The following PLEKHA5 variants were observed in gnomAD, a reference collection of about 807,000 sequenced individuals.
PLEKHA5 encodes the protein pleckstrin homology domain-containing family A member 5.
PLEKHA5 carries 55 observed loss-of-function variants against 181.9 expected under a neutral mutation model. The observed-to-expected ratio is 0.30, with a 90% CI of 0.24 to 0.38. The LOEUF (loss-of-function observed/expected upper bound fraction) is 0.38. PLEKHA5 is among the 10% of genes least tolerant of loss of function. The pLI is 1.00. For missense variants in PLEKHA5, 1,432 were observed against 1,549.5 expected, an observed-to-expected ratio of 0.92 and a Z score of 1.27; for synonymous variants, 535 against 529.4, an observed-to-expected ratio of 1.01 and a Z score of -0.15.
chr12:19,300,024 G>T (rs1027260963), intron 15 of PLEKHA5, among the ~76,000 whole-genome samples: 2 of 152,164 alleles, frequency 1.3e-5, no homozygotes, highest in Non-Finnish European at 2.9e-5. Flanking sequence ...TGGTGTACCT[G>T]TGTAGTGCCT....
At chr12:19,278,583 C>T (rs1476411398) in intron 11 of PLEKHA5, among the ~76,000 whole-genome samples, 1 of 152,062 alleles carries the variant, frequency 6.6e-6, no homozygotes, top group Admixed American at 6.6e-5. Context: ...CTAGGGCAGT[C>T]TCTTTGATGG....
intron 3 of PLEKHA5, among the ~76,000 whole-genome samples, chr12:19,212,299 A>G (rs897944117): frequency 3.3e-5 from 5 of 152,168 alleles, no homozygotes; most frequent in African/African-American, 1.2e-4. Context: ...AAATTTAAAC[A>G]TGGGGCAGCT....
At chr12:19,168,547 C>G (rs377133897) in intron 3 of PLEKHA5, among the ~76,000 whole-genome samples, 1 of 148,194 alleles carries the variant, frequency 6.7e-6, no homozygotes, top group South Asian at 2.2e-4. Flanking sequence ...AAATTTGATA[C>G]GATTAGTAGT....
chr12:19,146,680 C>A (rs1197870199), intron 3 of PLEKHA5, among the ~76,000 whole-genome samples: 1 of 152,024 alleles, frequency 6.6e-6, no homozygotes, highest in Non-Finnish European at 1.5e-5. Flanking sequence ...CAGTGTGCAC[C>A]CACTTAGGCA....
At chr12:19,174,343 C>A (rs66471375) in intron 3 of PLEKHA5, among the ~76,000 whole-genome samples, 15,180 of 151,970 alleles carry the variant, frequency 0.1, 934 homozygotes, top group Admixed American at 0.19. Flanking sequence ...TGAATATATT[C>A]GCTCTATGTG....
chr12:19,314,645 T>C lies in PLEKHA5; in HGVS notation c.2038-169T>C, dbSNP rs181640711. 9.3e-5 allele frequency: 58 copies of C among 623,640 alleles called. No homozygotes were observed. The African/African-American group carries it at 1.1e-3, about 11-fold the overall frequency. The allele number at this position is 623,640 out of a possible 1,614,324, so 38.6% of individuals were successfully genotyped here. On this transcript the variant is annotated intron_variant, in intron 15 of 31. Coordinates refer to ENST00000429027, the MANE Select transcript of PLEKHA5 (RefSeq NM_001256470.2). ...GAAGTATTTCACAGCGTTTAATACT[T>C]GTTTGAAATGGTTTATATGAATTAA...
Position 19,129,828 on chromosome 12 carries a change from T to C in PLEKHA5, c.29T>C (p.Ile10Thr). 1.2e-6 allele frequency: 2 copies of C among 1,603,840 alleles called. No homozygotes were observed. The highest frequency in any genetic ancestry group is 1.7e-6 in the Non-Finnish European group (2 of 1,175,826). Residue 10 changes from isoleucine (I) to threonine (T), a missense_variant, in exon 1 of 32, where the codon ATC becomes ACC. Ile to Thr is a moderately conservative substitution (Grantham distance 89, BLOSUM62 -1). Around this residue, in one of 2 missense-constraint regions of PLEKHA5, gnomAD observed 289 missense variants for 381.1 expected, o/e 0.76. Transcript: ENST00000429027. MAADLNLEW[I>T]SLPRSWTYGI... ...GCGGCGGATCTGAACCTGGAGTGGATCTCCCTGCCCCGGTCCTGGACTTAC... is the reference window on the plus strand; with the variant it reads ...GCGGCGGATCTGAACCTGGAGTGGACCTCCCTGCCCCGGTCCTGGACTTAC...
At chr12:19,322,443 A>G in intron 19 of PLEKHA5, 53 bp downstream of exon 19, 1 of 1,569,650 alleles carries the variant, frequency 6.4e-7, no homozygotes, top group Non-Finnish European at 8.8e-7. Context: ...TATGATTATT[A>G]TCAGGACACT....
intron 20 of PLEKHA5, among the ~76,000 whole-genome samples, chr12:19,328,212 A>G (rs1450533607): frequency 1.3e-5 from 2 of 152,114 alleles, no homozygotes; most frequent in Non-Finnish European, 2.9e-5. Context: ...TACTAGTACC[A>G]TGAAGTTTTA....
chr12:19,269,496 T>TTTCCA (rs1158984735), intron 8 of PLEKHA5, among the ~76,000 whole-genome samples: 1 of 132,700 alleles, frequency 7.5e-6, no homozygotes, highest in Non-Finnish European at 1.6e-5. Flanking sequence ...CCTCCTTTCC[T>TTTCCA]TTCCATGCAC....
chr12:19,178,466 C>G (rs377127473), intron 3 of PLEKHA5, among the ~76,000 whole-genome samples: 1 of 152,116 alleles, frequency 6.6e-6, no homozygotes, highest in Admixed American at 6.5e-5. Flanking sequence ...CGAAGTGGAG[C>G]GTGCAGTTTT....
intron 15 of PLEKHA5, among the ~76,000 whole-genome samples, chr12:19,299,845 G>T (rs77225830): frequency 0.062 from 9,365 of 152,182 alleles, 477 homozygotes; most frequent in East Asian, 0.18. Flanking sequence ...CTCAGGAAAT[G>T]TCACAGACTC....
Position 19,283,377 on chromosome 12 carries a change from A to T in PLEKHA5, c.1411A>T (p.Ser471Cys), listed in dbSNP as rs2076589379. 1 of 1,613,942 alleles carries T rather than the reference A, an allele frequency of 6.2e-7. No homozygotes were observed. Among genetic ancestry groups the T allele is most frequent in the Non-Finnish European group, 8.5e-7 (1 of 1,180,018 alleles). Residue 471 changes from serine (S) to cysteine (C), a missense_variant, in exon 12 of 32, where the codon AGC (serine) becomes TGC (cysteine). Coordinates refer to ENST00000429027, the MANE Select transcript of PLEKHA5 (RefSeq NM_001256470.2). Reference protein sequence around the residue: ...PEGYRTLPRNSKTRPESICSV... With the variant: ...PEGYRTLPRNCKTRPESICSV... ...AGGTTATAGAACACTCCCAAGAAAC[A>T]GCAAGACAAGGCCTGAAAGTATCTG...
chr12:19,354,140 A>ATCCTTT (rs2094768698), intron 26 of PLEKHA5, 138 bp downstream of exon 26: 1 of 69,746 alleles, frequency 1.4e-5, no homozygotes, highest in Non-Finnish European at 3.3e-5. Flanking sequence ...GTTATTCTTT[A>ATCCTTT]TTCTTTTTTT....
At chr12:19,238,771 T>TTTG (rs1337410996) in intron 3 of PLEKHA5, among the ~76,000 whole-genome samples, 1 of 149,566 alleles carries the variant, frequency 6.7e-6, no homozygotes, top group Non-Finnish European at 1.5e-5. Flanking sequence ...TCAACTTTTT[T>TTTG]TTGTATGAAC....
intron 1 of PLEKHA5, 67 bp from the exon 2 acceptor site, chr12:19,129,984 C>T: frequency 6.9e-7 from 1 of 1,454,472 alleles, no homozygotes; most frequent in South Asian, 1.2e-5. Flanking sequence ...TGTGCTCCTG[C>T]AGCCCCTCGG....
Position 19,348,431 on chromosome 12 carries a change from A to G in PLEKHA5, c.2931A>G (p.Pro977=). Residue 977 remains proline (P), a synonymous_variant, in exon 25 of 32, where the codon CCA becomes CCG. Coordinates refer to ENST00000429027, the MANE Select transcript of PLEKHA5 (RefSeq NM_001256470.2). ...ATTATAGACTCTACAAGAGTGAACC[A>G]GAGTTAACAACAGTGGCAGAAGTTG... ...GPDYRLYKSE[P]ELTTVAEVDE... is the part of the protein sequence containing the mutation. 1.9e-6 allele frequency: 3 copies of G among 1,586,132 alleles called. No homozygotes were observed. The highest frequency in any genetic ancestry group is 2.6e-6 in the Non-Finnish European group (3 of 1,167,878).
intron 3 of PLEKHA5, among the ~76,000 whole-genome samples, chr12:19,163,386 C>A (rs1367739066): frequency 1.3e-5 from 2 of 152,018 alleles, no homozygotes; most frequent in Admixed American, 1.3e-4. Flanking sequence ...ACTGTGTTAG[C>A]CAGGATGGTC....
chr12:19,309,376 ATCTCT>A (rs2085504687), intron 15 of PLEKHA5, among the ~76,000 whole-genome samples: 1 of 152,016 alleles, frequency 6.6e-6, no homozygotes, highest in African/African-American at 2.4e-5. Flanking sequence ...AAAAAAACTC[ATCTCT>A]TGCCCTTATT....
Sources: allele counts gnomAD v4.1 joint callset (sites outside exome capture counted in the v4.1 genomes callset), GRCh38; gene constraint gnomAD v4.1.1; regional missense constraint gnomAD v4.1.1; transcripts MANE v1.5; gene names NCBI Gene and HGNC (gene_info 2026-07-23, HGNC 2026-07-21).